Variants in ACOT11 observed in about 807,000 individuals in gnomAD.
The protein encoded by ACOT11 is acyl-CoA thioesterase 11, also known as acyl-coenzyme A thioesterase 11.
A neutral mutation model predicts 77.5 loss-of-function variants in ACOT11; 69 were observed. The observed-to-expected ratio is 0.89, with a 90% CI of 0.73 to 1.09. The LOEUF (loss-of-function observed/expected upper bound fraction) is 1.09, where lower values mean the gene tolerates loss of function less well. ACOT11 is among the 50% of genes least tolerant of loss of function. The pLI is 0.00. For synonymous variants in ACOT11, 279 were observed against 313.0 expected, an observed-to-expected ratio of 0.89 and a Z score of 1.15; for missense variants, 766 against 813.7, an observed-to-expected ratio of 0.94 and a Z score of 0.71.
chr1:54,620,739 C>T (rs1001438080), intron 15 of ACOT11, among the ~76,000 whole-genome samples: 1 of 148,304 alleles, frequency 6.7e-6, no homozygotes, highest in Non-Finnish European at 1.5e-5. Context: ...ATCCCAGCTA[C>T]TCGGGAGGCT....
intron 1 of ACOT11, among the ~76,000 whole-genome samples, chr1:54,563,513 C>T (rs1350709521): frequency 6.6e-6 from 1 of 152,190 alleles, no homozygotes; most frequent in East Asian, 1.9e-4. Flanking sequence ...ATAGAAAAGC[C>T]TGAAACTTAG....
At chr1:54,591,011 GCCTC>G (rs1294304120) in intron 3 of ACOT11, among the ~76,000 whole-genome samples, 2 of 152,012 alleles carry the variant, frequency 1.3e-5, no homozygotes, top group Non-Finnish European at 2.9e-5. Context: ...GCCTGCCTTG[GCCTC>G]CCTAAATGCT....
intron 1 of ACOT11, among the ~76,000 whole-genome samples, chr1:54,562,408 T>G (rs1653548659): frequency 1.5e-5 from 1 of 67,672 alleles, no homozygotes; most frequent in Non-Finnish European, 2.7e-5. Flanking sequence ...GAGGCGCCCC[T>G]CACCTCCCGG....
In ACOT11 at chr1:54,548,418, A is replaced by G. The variant is rs1652948145; in HGVS notation, c.33+76A>G. 4.6e-6 allele frequency: 7 copies of G among 1,519,186 alleles called. No individual in the cohort carries two copies. In the South Asian group the frequency reaches 8.7e-5, roughly 19 times the overall value. 94.1% of individuals were successfully genotyped at this position (1,519,186 alleles called of 1,614,324 possible). On this transcript the variant is annotated intron_variant, in intron 1 of 15. Transcript: ENST00000343744. ...AGAAAGAGATTGATGTTTCCATTTT[A>G]ACTCAGACGCTCTGCATCTCCTCAC...
chr1:54,549,159 G>A (rs1160569896), intron 1 of ACOT11, among the ~76,000 whole-genome samples: 1 of 152,126 alleles, frequency 6.6e-6, no homozygotes, highest in Non-Finnish European at 1.5e-5. Flanking sequence ...TGTGCATCTT[G>A]TCTCCCCTGG....
At position 54,579,162 on chromosome 1, in the gene ACOT11, G is replaced by A. The variant is rs368188951; in HGVS notation, c.34-5493G>A. On this transcript the variant is annotated intron_variant, in intron 1 of 15. Coordinates refer to ENST00000343744, the MANE Select transcript of ACOT11 (RefSeq NM_147161.4). ...CAGCCTCCTGGTATCCTTCCTCCCA[G>A]CCCTGGGGCTAGCTTTGAGGACGTA... Among the ~76,000 whole-genome samples, 9 of 152,292 alleles carry A rather than the reference G, an allele frequency of 5.9e-5. No homozygotes were observed. In the East Asian group the frequency reaches 9.7e-4, roughly 16 times the overall value.
chr1:54,586,033 TG>T (rs1654486678), intron 3 of ACOT11, 129 bp downstream of exon 3: 2 of 787,982 alleles, frequency 2.5e-6, no homozygotes, highest in Admixed American at 3.2e-5. Flanking sequence ...GAAAATGAGG[TG>T]GGGGCAGCCT....
At chr1:54,618,928 T>C (rs1390349301) in intron 15 of ACOT11, among the ~76,000 whole-genome samples, 1 of 152,226 alleles carries the variant, frequency 6.6e-6, no homozygotes, top group African/African-American at 2.4e-5. Flanking sequence ...ATTATTTATA[T>C]GGAGTTGATT....
chr1:54,602,765 G>C (rs1355942098), intron 10 of ACOT11, 41 bp downstream of exon 10: 5 of 1,490,380 alleles, frequency 3.4e-6, no homozygotes, highest in African/African-American at 1.4e-5. Context: ...TGGATTCGGG[G>C]CTGTTCACGC....
chr1:54,610,481 C>A (rs143979424), downstream of ACOT11: 47 of 1,500,922 alleles, frequency 3.1e-5, 1 homozygote, highest in Non-Finnish European at 4.0e-5. Flanking sequence ...ACATTCAGAC[C>A]GTCATCCCCA....
rs760097205 is a variant in ACOT11 at position 54,585,897 on chromosome 1, A to G, written c.304A>G (p.Thr102Ala). The G allele has an allele frequency of 1.2e-6, 2 of 1,613,966 alleles. No homozygotes were observed. Among genetic ancestry groups the G allele is most frequent in the Non-Finnish European group, 1.7e-6 (2 of 1,179,944 alleles). ...ASMDDIYFEH[T>A]ISVGQVVNIK... The stretch of plus-strand genomic sequence containing the variant: ...CATGGATGACATCTATTTTGAGCAC[A>G]CCATTAGGTAAGTGGCCCCTCCTGC... Residue 102 changes from threonine to alanine, a missense_variant, in exon 3 of 16, where the codon ACC (threonine) becomes GCC (alanine). Thr to Ala is a moderately conservative substitution (Grantham distance 58). Transcript: ENST00000343744.
At position 54,592,607 on chromosome 1, in the gene ACOT11, G is replaced by T; in HGVS notation, c.372+1G>T. 1.2e-6 allele frequency: 2 copies of T among 1,613,504 alleles called. No homozygotes were observed. Among genetic ancestry groups the T allele is most frequent in the Non-Finnish European group, 1.7e-6 (2 of 1,179,722 alleles). On this transcript the variant is annotated splice_donor_variant, in intron 4 of 15. Transcript: ENST00000343744. LOFTEE classifies it high-confidence loss of function. ...CCGGGCCTTCAACTCCAGCATGGAG[G>T]TGTGTGGGGTGGGCACTGCTTGGGA...
At chr1:54,571,712 G>C (rs1286440018) in intron 1 of ACOT11, among the ~76,000 whole-genome samples, 1 of 152,206 alleles carries the variant, frequency 6.6e-6, no homozygotes, top group Non-Finnish European at 1.5e-5. Context: ...AACACTCCTG[G>C]GAAAATGAAA....
intron 1 of ACOT11, among the ~76,000 whole-genome samples, chr1:54,562,967 C>T (rs1195470890): frequency 1.1e-4 from 16 of 145,252 alleles, no homozygotes; most frequent in East Asian, 2.0e-4. Flanking sequence ...AGACGATGGG[C>T]GGCCAGGCAG....
intron 3 of ACOT11, among the ~76,000 whole-genome samples, chr1:54,590,806 A>G (rs1654684457): frequency 6.6e-6 from 1 of 152,170 alleles, no homozygotes; most frequent in Admixed American, 6.6e-5. Context: ...CCAGCCTGGG[A>G]TGCAGTGGTG....
intron 15 of ACOT11, among the ~76,000 whole-genome samples, chr1:54,615,430 T>C (rs1370871085): frequency 6.6e-6 from 1 of 152,026 alleles, no homozygotes; most frequent in Non-Finnish European, 1.5e-5. Context: ...ATGACAAAAC[T>C]GGTGTTTTGA....
At chr1:54,602,841 C>T in intron 10 of ACOT11, 117 bp downstream of exon 10, 1 of 1,112,622 alleles carries the variant, frequency 9.0e-7, no homozygotes, top group Non-Finnish European at 1.2e-6. Context: ...GGGCCGGGCC[C>T]TTTACATCCT....
chr1:54,610,420 G>A (rs1201312008), downstream of ACOT11: 2 of 1,613,190 alleles, frequency 1.2e-6, no homozygotes, highest in Non-Finnish European at 1.7e-6. Context: ...ACCTGGGAGG[G>A]TCATTGTTGC....
intron 16 of ACOT11, among the ~76,000 whole-genome samples, chr1:54,632,555 C>T (rs993477593): frequency 9.9e-5 from 15 of 152,160 alleles, no homozygotes; most frequent in African/African-American, 3.6e-4. Flanking sequence ...CAGGAGAGCG[C>T]ATAGCACAGC....
Sources: allele counts gnomAD v4.1 joint callset (sites outside exome capture counted in the v4.1 genomes callset), GRCh38; gene constraint gnomAD v4.1.1; transcripts MANE v1.5; gene names NCBI Gene and HGNC (gene_info 2026-07-23, HGNC 2026-07-21).